Variants in TNIK observed in about 807,000 individuals in gnomAD.
TNIK encodes the protein TRAF2 and NCK interacting kinase.
A neutral mutation model predicts 191.3 loss-of-function variants in TNIK; 49 were observed. The observed-to-expected ratio is 0.26, with a 90% CI of 0.20 to 0.32. The LOEUF (loss-of-function observed/expected upper bound fraction) is 0.32. TNIK is among the 10% of genes least tolerant of loss of function. The pLI, the probability that TNIK is intolerant of heterozygous loss-of-function variation, is 1.00. For missense variants in TNIK, 1,155 were observed against 1,702.3 expected (o/e 0.68, Z 5.66); for synonymous variants, 594 against 600.9 (o/e 0.99, Z 0.17).
rs538624749 is a variant in TNIK, at chr3:171,353,263, TTA to T, written c.123+16355_123+16356del. On this transcript the variant is annotated intron_variant, in intron 2 of 32. Transcript: ENST00000436636. ...ACCATGCTTTCATTATGCCAATGAA[TTA>T]TATCTGTTTCAATCACTGGTGTCAA... Among the ~76,000 whole-genome samples the T allele has an allele frequency of 8.3e-4, 127 of 152,290 alleles. 1 individual carries two copies. Among genetic ancestry groups the T allele is most frequent in the Middle Eastern group, 3.4e-3 (1 of 294 alleles).
chr3:171,071,967 A>G (rs889470256), intron 28 of TNIK, among the ~76,000 whole-genome samples: 4 of 152,178 alleles, frequency 2.6e-5, no homozygotes, highest in Non-Finnish European at 4.4e-5. Flanking sequence ...AGTCCCCACA[A>G]TGCTTTTGCC....
intron 3 of TNIK, among the ~76,000 whole-genome samples, chr3:171,217,100 C>T (rs1184991722): frequency 6.6e-6 from 1 of 152,112 alleles, no homozygotes; most frequent in Non-Finnish European, 1.5e-5. Flanking sequence ...CTTGCACTCA[C>T]ATGTTCACCG....
At chr3:171,239,976 A>G (rs1376665431) in intron 2 of TNIK, among the ~76,000 whole-genome samples, 1 of 152,192 alleles carries the variant, frequency 6.6e-6, no homozygotes, top group Non-Finnish European at 1.5e-5. Context: ...GGCTGTTTTA[A>G]GTAAATATGA....
At chr3:171,064,118 G>A (rs1335436544) in intron 32 of TNIK, 154 bp from the exon 33 acceptor site, 18 of 644,866 alleles carry the variant, frequency 2.8e-5, no homozygotes, top group Non-Finnish European at 4.8e-5. Flanking sequence ...TTTGGATATC[G>A]TGCATCCTAT....
rs146501869 is a variant in TNIK, at chr3:171,178,470, T to G, written c.640-1090A>C. ...GGCCAGTATACCTTTATATTATTTC[T>G]TATGCTCAGAGTGACTTTTATTCTC... On this transcript the variant is annotated intron_variant, in intron 7 of 32. Transcript: ENST00000436636. Among the ~76,000 whole-genome samples, 777 of 152,354 alleles carry G rather than the reference T, an allele frequency of 5.1e-3. 5 individuals carry two copies. Among genetic ancestry groups the G allele is most frequent in the African/African-American group, 0.018 (736 of 41,578 alleles).
At chr3:171,158,842 C>T (rs1733579101) in intron 11 of TNIK, among the ~76,000 whole-genome samples, 6 of 152,152 alleles carry the variant, frequency 3.9e-5, no homozygotes. Context: ...AAAGACCTCT[C>T]TGGGAAGGAA....
At chr3:171,156,109 A>G (rs994258337) in intron 12 of TNIK, among the ~76,000 whole-genome samples, 3 of 152,204 alleles carry the variant, frequency 2.0e-5, no homozygotes, top group Admixed American at 6.5e-5. Flanking sequence ...GTTTTGCATG[A>G]GAGATAATCA....
intron 1 of TNIK, among the ~76,000 whole-genome samples, chr3:171,403,448 C>A (rs1342188162): frequency 2.0e-5 from 3 of 152,032 alleles, no homozygotes; most frequent in Non-Finnish European, 4.4e-5. Flanking sequence ...AACCCCGTCT[C>A]TACTAAATAT....
intron 2 of TNIK, among the ~76,000 whole-genome samples, chr3:171,327,626 A>G (rs1755923660): frequency 6.6e-6 from 1 of 152,126 alleles, no homozygotes; most frequent in Non-Finnish European, 1.5e-5. Context: ...CTCATCCAGA[A>G]CAGTAGCTCT....
chr3:171,173,403 A>C (rs1415397468), intron 9 of TNIK, among the ~76,000 whole-genome samples: 1 of 151,518 alleles, frequency 6.6e-6, no homozygotes, highest in African/African-American at 2.4e-5. Context: ...CTCAAAAAAA[A>C]AAAAAAAGAA....
intron 3 of TNIK, among the ~76,000 whole-genome samples, chr3:171,218,220 C>T (rs1474886116): frequency 6.6e-6 from 1 of 152,152 alleles, no homozygotes; most frequent in Non-Finnish European, 1.5e-5. Context: ...GAGACTGACA[C>T]TGTGCAGGGC....
chr3:171,420,927 C>G (rs957580966), intron 1 of TNIK, among the ~76,000 whole-genome samples: 1 of 152,104 alleles, frequency 6.6e-6, no homozygotes, highest in African/African-American at 2.4e-5. Flanking sequence ...CATCATGCTA[C>G]TCAGAACGAT....
rs1312571149 is a variant in TNIK at position 171,353,288 on chromosome 3, CA to C, written c.123+16331del. Among the ~76,000 whole-genome samples, 9 of 152,280 alleles carry C rather than the reference CA, an allele frequency of 5.9e-5. No homozygotes were observed. The East Asian group carries it at 1.7e-3, about 29-fold the overall frequency. ...TTATATCTGTTTCAATCACTGGTGT[CA>C]AAAGGTTGTGGGTTCAACTCCAGGT... On this transcript the variant is annotated intron_variant, in intron 2 of 32. Coordinates refer to ENST00000436636, the MANE Select transcript of TNIK (RefSeq NM_015028.4).
chr3:171,389,282 T>C (rs1440893512), intron 1 of TNIK, among the ~76,000 whole-genome samples: 2 of 152,204 alleles, frequency 1.3e-5, no homozygotes, highest in Non-Finnish European at 2.9e-5. Context: ...ACTGTGTCCG[T>C]TGGTGCTGGC....
intron 2 of TNIK, among the ~76,000 whole-genome samples, chr3:171,367,964 A>T (rs1422697988): frequency 6.6e-6 from 1 of 152,222 alleles, no homozygotes; most frequent in Non-Finnish European, 1.5e-5. Context: ...CACCAAGAGA[A>T]TGGAATCCTT....
intron 11 of TNIK, among the ~76,000 whole-genome samples, chr3:171,160,370 T>C (rs897971019): frequency 6.6e-6 from 1 of 152,068 alleles, no homozygotes; most frequent in Non-Finnish European, 1.5e-5. Flanking sequence ...GTGGCTAAGC[T>C]GGCCCCTTTT....
intron 11 of TNIK, among the ~76,000 whole-genome samples, 158 bp from the exon 12 acceptor site, chr3:171,157,822 A>G (rs1272164579): frequency 6.6e-6 from 1 of 152,138 alleles, no homozygotes; most frequent in Non-Finnish European, 1.5e-5. Flanking sequence ...ATTCACCCCA[A>G]AGAAACAGCA....
chr3:171,100,984 T>C (rs909515365), intron 22 of TNIK, among the ~76,000 whole-genome samples: 2 of 152,124 alleles, frequency 1.3e-5, no homozygotes, highest in Non-Finnish European at 2.9e-5. Context: ...ATTCTTTTGC[T>C]GGGATGGTAA....
At chr3:171,329,918 A>G (rs552554546) in intron 2 of TNIK, among the ~76,000 whole-genome samples, 1 of 152,220 alleles carries the variant, frequency 6.6e-6, no homozygotes, top group Non-Finnish European at 1.5e-5. Context: ...CCTTTGAAAG[A>G]ACCCTGGCAC....
Sources: allele counts gnomAD v4.1 joint callset (sites outside exome capture counted in the v4.1 genomes callset), GRCh38; gene constraint gnomAD v4.1.1; transcripts MANE v1.5; gene names NCBI Gene and HGNC (gene_info 2026-07-23, HGNC 2026-07-21).